TNFSF4: variants seen among roughly 807,000 people sequenced by gnomAD.
TNFSF4 encodes TNF superfamily member 4.
A neutral mutation model predicts 7.3 loss-of-function variants in TNFSF4; 4 were observed. The observed-to-expected ratio is 0.55, with a 90% CI of 0.27 to 1.25. TNFSF4 has a LOEUF of 1.25. TNFSF4 is among the 50% of genes most tolerant of loss of function. The probability of loss-of-function intolerance (pLI) is 0.12; values close to 1 mark genes in which losing one functional copy is unlikely to be tolerated. For missense variants in TNFSF4, 181 were observed against 208.8 expected (o/e 0.87, Z 0.82); for synonymous variants, 76 against 83.7 (o/e 0.91, Z 0.50).
chr1:173,384,982 G>A, the TNFSF4 span, among the ~76,000 whole-genome samples: 1 of 152,280 alleles, frequency 6.6e-6, no homozygotes, highest in Non-Finnish European at 1.5e-5. Context: ...CATCATAAAT[G>A]ATATAACTCA....
chr1:173,413,709 C>T, the TNFSF4 span, among the ~76,000 whole-genome samples: 3 of 152,290 alleles, frequency 2.0e-5, no homozygotes, highest in Non-Finnish European at 4.4e-5. Flanking sequence ...GCCCTTTTGC[C>T]AGCTGGCAGG....
the TNFSF4 span, among the ~76,000 whole-genome samples, chr1:173,303,217 T>G: frequency 3.3e-5 from 5 of 151,442 alleles, no homozygotes; most frequent in African/African-American, 1.2e-4. Flanking sequence ...GGAGGGAGAG[T>G]TGTGTGTCTG....
the TNFSF4 span, among the ~76,000 whole-genome samples, chr1:173,282,283 G>A: frequency 6.6e-6 from 1 of 151,728 alleles, no homozygotes; most frequent in Admixed American, 6.6e-5. Context: ...TTGCATACAT[G>A]TACCAAAATA....
At chr1:173,278,577 G>A in the TNFSF4 span, among the ~76,000 whole-genome samples, 491 of 152,168 alleles carry the variant, frequency 3.2e-3, 1 homozygote, top group Non-Finnish European at 6.0e-3. Flanking sequence ...CTGGAAAGTA[G>A]TCTTCAAAAA....
chr1:173,243,919 G>A, the TNFSF4 span, among the ~76,000 whole-genome samples: 1 of 152,188 alleles, frequency 6.6e-6, no homozygotes. Context: ...TCACCTTAGA[G>A]TAGGCTAGGA....
At chr1:173,360,882 C>T in the TNFSF4 span, among the ~76,000 whole-genome samples, 1 of 152,198 alleles carries the variant, frequency 6.6e-6, no homozygotes, top group Admixed American at 6.5e-5. Flanking sequence ...CTACACTATG[C>T]ATTGCTGATA....
At chr1:173,422,609 G>A in the TNFSF4 span, among the ~76,000 whole-genome samples, 1 of 152,322 alleles carries the variant, frequency 6.6e-6, no homozygotes. Context: ...TACTGACCCA[G>A]TAACTGCTGA....
chr1:173,311,939 C>T, the TNFSF4 span, among the ~76,000 whole-genome samples: 2 of 152,048 alleles, frequency 1.3e-5, no homozygotes. Flanking sequence ...TAATAGGCAT[C>T]CTTGAATTAG....
chr1:173,217,504 C>T, the TNFSF4 span, among the ~76,000 whole-genome samples: 1 of 152,164 alleles, frequency 6.6e-6, no homozygotes, highest in Admixed American at 6.5e-5. Flanking sequence ...ACACCTTCTA[C>T]CGTGCCTGAT....
At position 173,194,648 on chromosome 1, in the gene TNFSF4, C is replaced by G. The variant is rs12093659; in HGVS notation, c.154-6079G>C. ...CTGTAATCCCAGCACTTTGGGAGGT[C>G]AAAGCAGGCCGATCACTTGCACTCA... On this transcript the variant is annotated intron_variant, in intron 1 of 2. Transcript: ENST00000281834. Among the ~76,000 whole-genome samples, 1,105 of 152,090 alleles carry G rather than the reference C, an allele frequency of 7.3e-3. 20 individuals are homozygous for G. The highest frequency in any genetic ancestry group is 0.026 in the African/African-American group (1,067 of 41,490).
At chr1:173,209,804 C>T (rs1223539485), upstream of TNFSF4, among the ~76,000 whole-genome samples, 1 of 152,070 alleles carries the variant, frequency 6.6e-6, no homozygotes, top group Non-Finnish European at 1.5e-5. Context: ...AGCCTGGTGG[C>T]AATTTTTCTT....
At position 173,184,307 on chromosome 1, in the gene TNFSF4, G is replaced by A. The variant is rs781319114; in HGVS notation, c.*2209C>T. ...ACAAAACTCTGCCATGTATATCGAA[G>A]GGTTAATTCTCCCTGTGAAGGACAT... On this transcript the variant is annotated 3_prime_UTR_variant, in exon 3 of 3. Transcript: ENST00000281834. The A allele has an allele frequency of 6.6e-6, 1 of 152,158 alleles. No individual in the cohort carries two copies. The highest frequency in any genetic ancestry group is 1.5e-5 in the Non-Finnish European group (1 of 68,038). The allele number at this position is 152,158 out of a possible 1,614,324, so 9.4% of individuals were successfully genotyped here. A position where few individuals can be genotyped will look rare whatever the true frequency, so the allele number is the denominator to read the frequency against.
At chr1:173,197,488 T>C (rs1489702162) in intron 1 of TNFSF4, among the ~76,000 whole-genome samples, 1 of 152,126 alleles carries the variant, frequency 6.6e-6, no homozygotes, top group Non-Finnish European at 1.5e-5. Flanking sequence ...ATATACACCA[T>C]GGAATGGAAT....
chr1:173,205,694 T>TTCCGGTTGATGTCTTGGGCA, intron 1 of TNFSF4: 1 of 639,556 alleles, frequency 1.6e-6, no homozygotes, highest in Non-Finnish European at 2.0e-6. Context: ...AAGAGCCTAA[T>TTCCGGTTGATGTCTTGGGCA]TCCGGTTGAT....
chr1:173,365,281 C>T, the TNFSF4 span, among the ~76,000 whole-genome samples: 3 of 152,110 alleles, frequency 2.0e-5, no homozygotes, highest in Non-Finnish European at 2.9e-5. Flanking sequence ...TGGCTAGATG[C>T]TCTTTTAACA....
the TNFSF4 span, among the ~76,000 whole-genome samples, chr1:173,406,596 T>C: frequency 6.6e-6 from 1 of 152,236 alleles, no homozygotes; most frequent in African/African-American, 2.4e-5. Context: ...CCGGATTCAT[T>C]GCTATGTTCT....
the TNFSF4 span, among the ~76,000 whole-genome samples, chr1:173,314,879 G>A: frequency 2.6e-5 from 4 of 152,214 alleles, no homozygotes; most frequent in East Asian, 7.7e-4. Context: ...CCCAAGTGAA[G>A]TACAATGGGT....
At chr1:173,318,210 G>C in the TNFSF4 span, among the ~76,000 whole-genome samples, 4 of 152,332 alleles carry the variant, frequency 2.6e-5, no homozygotes, top group East Asian at 1.9e-4. Flanking sequence ...GGAGGCCAAG[G>C]GGGGTGGATC....
At chr1:173,426,037 G>C in the TNFSF4 span, among the ~76,000 whole-genome samples, 1 of 152,212 alleles carries the variant, frequency 6.6e-6, no homozygotes, top group South Asian at 2.1e-4. Flanking sequence ...GAGCATCACA[G>C]GAAAGTGAGT....
Sources: allele counts gnomAD v4.1 joint callset (sites outside exome capture counted in the v4.1 genomes callset), GRCh38; gene constraint gnomAD v4.1.1; transcripts MANE v1.5; gene names NCBI Gene and HGNC (gene_info 2026-07-23, HGNC 2026-07-21).